Variants in TGFBRAP1 observed in about 807,000 individuals in gnomAD.
TGFBRAP1 encodes the protein transforming growth factor-beta receptor-associated protein 1.
Under a neutral mutation model 83.2 loss-of-function variants are expected in TGFBRAP1, and 20 were observed. That is an observed-to-expected ratio of 0.24 (90% confidence interval 0.17 to 0.35). The LOEUF (loss-of-function observed/expected upper bound fraction) is 0.35. Among genes scored for constraint, TGFBRAP1 ranks in the 10% least tolerant of loss-of-function variants. The pLI, the probability that TGFBRAP1 is intolerant of heterozygous loss-of-function variation, is 1.00. For missense variants in TGFBRAP1, 950 were observed against 1,099.4 expected, an observed-to-expected ratio of 0.86 and a Z score of 1.92; for synonymous variants, 415 against 459.8, an observed-to-expected ratio of 0.90 and a Z score of 1.25.
chr2:105,275,424 G>C (rs1339528606), intron 8 of TGFBRAP1, 136 bp downstream of exon 8: 1 of 1,386,544 alleles, frequency 7.2e-7, no homozygotes, highest in East Asian at 2.5e-5. Context: ...ATTAAAAGGG[G>C]AATAATAACA....
intron 1 of TGFBRAP1, among the ~76,000 whole-genome samples, chr2:105,311,168 AC>A (rs1473071002): frequency 2.0e-5 from 3 of 151,728 alleles, no homozygotes; most frequent in African/African-American, 7.3e-5. Context: ...AAAACAAAAA[AC>A]AAAAAAACAT....
downstream of TGFBRAP1, among the ~76,000 whole-genome samples, chr2:105,263,492 T>C (rs1409578529): frequency 6.6e-6 from 1 of 152,178 alleles, no homozygotes; most frequent in Non-Finnish European, 1.5e-5. Context: ...CCTCAGCTTC[T>C]TCAAATTCAA....
chr2:105,296,423 C>T lies in TGFBRAP1; in HGVS notation c.971G>A (p.Arg324His), dbSNP rs372720283. 1.1e-5 allele frequency: 17 copies of T among 1,614,038 alleles called. No homozygotes were observed. The highest frequency in any genetic ancestry group is 6.6e-5 in the South Asian group (6 of 91,058). ...EKQIQDLLAS[R>H]RVEEALVLAK... ...TAAAACCAAAGCCTCTTCTACTCTG[C>T]GGCTTGCTAGAAGATCCTGTATTTG... is the stretch of plus-strand genomic sequence containing the variant. The change falls in exon 4 of 12, where the codon CGC becomes CAC. Residue 324 changes from arginine (R) to histidine (H), a missense_variant. Physicochemically the swap from Arg to His is conservative, Grantham distance 29 (BLOSUM62 0). Transcript: ENST00000393359.
chr2:105,313,511 T>C (rs1292499947), intron 1 of TGFBRAP1, among the ~76,000 whole-genome samples: 1 of 152,190 alleles, frequency 6.6e-6, no homozygotes, highest in Non-Finnish European at 1.5e-5. Flanking sequence ...CAATTTCACA[T>C]AATAAATGTT....
At chr2:105,272,490 C>T (rs1677189705) in intron 10 of TGFBRAP1, among the ~76,000 whole-genome samples, 1 of 152,146 alleles carries the variant, frequency 6.6e-6, no homozygotes, top group Admixed American at 6.5e-5. Flanking sequence ...CATCATCAAT[C>T]AAAGGGCACC....
intron 1 of TGFBRAP1, among the ~76,000 whole-genome samples, chr2:105,325,501 A>G (rs1185563697): frequency 6.6e-6 from 1 of 152,160 alleles, no homozygotes; most frequent in African/African-American, 2.4e-5. Context: ...TGAGGGGAAC[A>G]AGTATGATTT....
At chr2:105,324,256 A>C (rs1679157866) in intron 1 of TGFBRAP1, 1 of 152,224 alleles carries the variant, frequency 6.6e-6, no homozygotes, top group Non-Finnish European at 1.5e-5. Flanking sequence ...AAGTGTATTC[A>C]TGAATTCTGC....
downstream of TGFBRAP1, among the ~76,000 whole-genome samples, chr2:105,260,723 T>TC (rs1676770440): frequency 6.6e-6 from 1 of 151,372 alleles, no homozygotes; most frequent in Non-Finnish European, 1.5e-5. Flanking sequence ...ACTACACACT[T>TC]AAAAATTGTT....
intron 2 of TGFBRAP1, among the ~76,000 whole-genome samples, chr2:105,305,860 G>A (rs1440959190): frequency 6.6e-6 from 1 of 151,878 alleles, no homozygotes; most frequent in Non-Finnish European, 1.5e-5. Flanking sequence ...TTCACCTTTT[G>A]GCCAGGCTGG....
chr2:105,329,715 G>T lies in TGFBRAP1; in HGVS notation c.-108C>A, dbSNP rs1413761455. ...GCGGCTCCTGGGCTGGCCCGACCCC[G>T]CAGCCGCCGCTTCCCGTCACGTGGG... On this transcript the variant is annotated 5_prime_UTR_variant, in exon 1 of 12. Transcript: ENST00000393359. The T allele has an allele frequency of 6.8e-6, 1 of 147,188 alleles. No individual in the cohort carries two copies. The highest frequency in any genetic ancestry group is 2.5e-5 in the African/African-American group (1 of 40,794). 9.1% of individuals were successfully genotyped at this position (147,188 alleles called of 1,614,324 possible).
chr2:105,288,699 A>C (rs932204431), intron 4 of TGFBRAP1, among the ~76,000 whole-genome samples: 1 of 152,184 alleles, frequency 6.6e-6, no homozygotes, highest in Non-Finnish European at 1.5e-5. Flanking sequence ...TTATTAAAAA[A>C]CCATGTAAGT....
At chr2:105,272,592 C>A (rs914356659) in intron 10 of TGFBRAP1, among the ~76,000 whole-genome samples, 10 of 152,164 alleles carry the variant, frequency 6.6e-5, no homozygotes, top group Admixed American at 5.2e-4. Context: ...GGCTCAAGGG[C>A]TGAGTGTGGT....
At chr2:105,313,982 T>C (rs1384179716) in intron 1 of TGFBRAP1, among the ~76,000 whole-genome samples, 1 of 152,088 alleles carries the variant, frequency 6.6e-6, no homozygotes, top group African/African-American at 2.4e-5. Flanking sequence ...CCAGTACCCA[T>C]GAATGGGACC....
Position 105,296,524 on chromosome 2 carries a change from C to A in TGFBRAP1, c.884-14G>T, listed in dbSNP as rs777806474. The A allele has an allele frequency of 6.2e-7, 1 of 1,601,944 alleles. No individual in the cohort carries two copies. Among genetic ancestry groups the A allele is most frequent in the Non-Finnish European group, 8.5e-7 (1 of 1,175,460 alleles). The stretch of plus-strand genomic sequence containing the variant: ...CGATCACTCTTCCTGTGAAGAAATT[C>A]AGCATTGTTGGAAAGAGAAAAAACA... On this transcript the variant is annotated splice_polypyrimidine_tract_variant and intron_variant, in intron 3 of 11. Coordinates refer to ENST00000393359, the MANE Select transcript of TGFBRAP1 (RefSeq NM_004257.6).
downstream of TGFBRAP1, among the ~76,000 whole-genome samples, chr2:105,260,282 C>A (rs753635405): frequency 2.6e-5 from 4 of 152,088 alleles, no homozygotes; most frequent in African/African-American, 9.7e-5. Context: ...TGGTGGCATG[C>A]GCCTATAATC....
rs535551946 is a variant in TGFBRAP1, at chr2:105,284,189, C to T, written c.1121+127G>A. ...GGGGTCTGCTGTCACGAGCTACCCC[C>T]ACCGTATCCACCTGAAGCACAATCT... On this transcript the variant is annotated intron_variant, in intron 5 of 11. Coordinates refer to ENST00000393359, the MANE Select transcript of TGFBRAP1 (RefSeq NM_004257.6). The T allele has an allele frequency of 1.6e-4, 130 of 835,466 alleles. No homozygotes were observed. The African/African-American group carries it at 2.0e-3, about 13-fold the overall frequency. 51.8% of individuals were successfully genotyped at this position (835,466 alleles called of 1,614,324 possible). A position where few individuals can be genotyped will look rare whatever the true frequency, so the allele number is the denominator to read the frequency against.
In TGFBRAP1 at chr2:105,266,796, G is replaced by A. The variant is rs947061892; in HGVS notation, c.*587C>T. The A allele has an allele frequency of 1.3e-5, 2 of 152,408 alleles. No individual in the cohort carries two copies. Among genetic ancestry groups the A allele is most frequent in the East Asian group, 3.9e-4 (2 of 5,178 alleles). The allele number at this position is 152,408 out of a possible 1,614,324, so 9.4% of individuals were successfully genotyped here. On this transcript the variant is annotated 3_prime_UTR_variant, in exon 12 of 12. Coordinates refer to ENST00000393359, the MANE Select transcript of TGFBRAP1 (RefSeq NM_004257.6). ...AAGAAGGAACAAAGGTACTTCTCCA[G>A]GGTCAGCCGTTTCTGAGGGCAAAGG...
In TGFBRAP1 at chr2:105,298,646, C is replaced by T; in HGVS notation, c.748G>A (p.Val250Met). 6.2e-7 allele frequency: 1 copy of T among 1,614,030 alleles called. No homozygotes were observed. Among genetic ancestry groups the T allele is most frequent in the Non-Finnish European group, 8.5e-7 (1 of 1,179,932 alleles). ...GGAAAGGACACAGCCGCCCCAATCA[C>T]ATTCTCCGACCAGTGCACGGGGGCG... The part of the protein sequence containing the change: ...QRAPVHWSEN[V>M]IGAAVSFPYV... The change falls in exon 3 of 12, where the codon GTG becomes ATG. Residue 250 changes from valine to methionine, a missense_variant. Coordinates refer to ENST00000393359, the MANE Select transcript of TGFBRAP1 (RefSeq NM_004257.6).
intron 1 of TGFBRAP1, among the ~76,000 whole-genome samples, chr2:105,316,462 T>TGTGTGTGTGTGTGTGCGCGCGCGC (rs1177329674): frequency 1.2e-5 from 1 of 84,816 alleles, no homozygotes; most frequent in Non-Finnish European, 2.3e-5. Context: ...TGTGTGTGTG[T>TGTGTGTGTGTGTGTGCGCGCGCGC]GCGCGCGCGC....
Sources: gnomAD v4.1 joint callset for allele counts (sites outside exome capture counted in the v4.1 genomes callset) on GRCh38, gnomAD v4.1.1 for gene constraint, MANE v1.5 for transcripts, NCBI Gene and HGNC (gene_info 2026-07-23, HGNC 2026-07-21) for gene names.